Variants in IL1RAPL2 observed in about 807,000 individuals in gnomAD.
IL1RAPL2 encodes the protein X-linked interleukin-1 receptor accessory protein-like 2.
In IL1RAPL2, 3 loss-of-function variants were observed where a neutral mutation model predicts 44.1. The observed-to-expected ratio is 0.07, with a 90% confidence interval of 0.03 to 0.18. IL1RAPL2 has a LOEUF of 0.18. Ranked by LOEUF, IL1RAPL2 falls within the 10% of genes least tolerant of loss-of-function variation. IL1RAPL2 has a pLI of 1.00. For synonymous variants in IL1RAPL2, 181 were observed against 178.8 expected (o/e 1.01, Z -0.10); for missense variants, 391 against 496.4 (o/e 0.79, Z 2.02).
chrX:105,493,693 G>A lies in IL1RAPL2; in HGVS notation c.772+9306G>A, dbSNP rs146539971. ...AAAGTTGTCACTCTTAAACCTTGCC[G>A]TATTCCTACTAATATTAGTAGTATT... On this transcript the variant is annotated intron_variant, in intron 6 of 10. Coordinates refer to ENST00000372582, the MANE Select transcript of IL1RAPL2 (RefSeq NM_017416.2). Among the ~76,000 whole-genome samples the A allele has an allele frequency of 5.7e-3, 631 of 111,076 alleles. 10 individuals are homozygous for A. Among genetic ancestry groups the A allele is most frequent in the African/African-American group, 0.019 (593 of 30,533 alleles).
At chrX:105,298,478 C>T (rs924346290) in intron 5 of IL1RAPL2, among the ~76,000 whole-genome samples, 2 of 110,685 alleles carry the variant, frequency 1.8e-5, no homozygotes, top group African/African-American at 6.6e-5. Flanking sequence ...TATACTAAGA[C>T]GGGGAGAATG....
At chrX:104,907,460 A>C (rs1206112836) in intron 2 of IL1RAPL2, among the ~76,000 whole-genome samples, 5 of 110,113 alleles carry the variant, frequency 4.5e-5, no homozygotes. Flanking sequence ...ATTTCCCTCT[A>C]CACACTGCCT....
At chrX:104,823,368 T>C (rs985690288) in intron 2 of IL1RAPL2, among the ~76,000 whole-genome samples, 6 of 110,994 alleles carry the variant, frequency 5.4e-5, no homozygotes, top group Non-Finnish European at 1.1e-4. Flanking sequence ...TTTGTTCTTG[T>C]GATAGTTTAC....
At chrX:104,916,147 A>T (rs1368820856) in intron 2 of IL1RAPL2, among the ~76,000 whole-genome samples, 1 of 111,403 alleles carries the variant, frequency 9.0e-6, no homozygotes, top group Non-Finnish European at 1.9e-5. Context: ...TGAATCTATA[A>T]ATTACCTTGG....
At chrX:104,832,129 A>G (rs1921627182) in intron 2 of IL1RAPL2, among the ~76,000 whole-genome samples, 1 of 111,944 alleles carries the variant, frequency 8.9e-6, no homozygotes, top group South Asian at 3.7e-4. Context: ...ACTCTTGGAT[A>G]CATACTGCTT....
intron 2 of IL1RAPL2, among the ~76,000 whole-genome samples, chrX:105,183,101 C>A (rs782232823): frequency 1.8e-5 from 2 of 111,327 alleles, no homozygotes; most frequent in Non-Finnish European, 3.8e-5. Context: ...GGGCCTATCT[C>A]TAGGTCCCCC....
chrX:104,935,476 T>C (rs2147699606), intron 2 of IL1RAPL2, among the ~76,000 whole-genome samples: 1 of 111,989 alleles, frequency 8.9e-6, no homozygotes, highest in East Asian at 2.8e-4. Flanking sequence ...TGTGCCAAAG[T>C]TTACAATATT....
At chrX:105,725,616 A>G (rs926884906) in intron 7 of IL1RAPL2, among the ~76,000 whole-genome samples, 5 of 111,481 alleles carry the variant, frequency 4.5e-5, no homozygotes, top group African/African-American at 1.6e-4. Flanking sequence ...TTAAAAAGCA[A>G]TATGGAGCTG....
intron 6 of IL1RAPL2, among the ~76,000 whole-genome samples, chrX:105,529,971 C>T (rs1329168093): frequency 1.8e-5 from 2 of 112,071 alleles, no homozygotes; most frequent in Admixed American, 9.5e-5. Flanking sequence ...GGAATGCTTC[C>T]ATGTTTTAGC....
rs759558866 is a variant in IL1RAPL2, at chrX:105,562,544, CACACAT to C, written c.772+78163_772+78168del. On this transcript the variant is annotated intron_variant, in intron 6 of 10. Coordinates refer to ENST00000372582, the MANE Select transcript of IL1RAPL2 (RefSeq NM_017416.2). The stretch of plus-strand genomic sequence containing the variant: ...ACACACACACACACACACACACACA[CACACAT>C]ACACACACCACATAATATGGAATGT... 7.8e-3 allele frequency among the ~76,000 whole-genome samples: 820 copies of C among 105,424 alleles called. 9 individuals are homozygous for C. The highest frequency in any genetic ancestry group is 0.019 in the African/African-American group (550 of 28,535). 91.5% of individuals were successfully genotyped at this position (105,424 alleles called of 115,157 possible). A position where few individuals can be genotyped will look rare whatever the true frequency, so the allele number is the denominator to read the frequency against.
intron 5 of IL1RAPL2, among the ~76,000 whole-genome samples, chrX:105,313,808 GTAAA>G (rs2034816428): frequency 9.0e-6 from 1 of 111,136 alleles, no homozygotes; most frequent in African/African-American, 3.3e-5. Context: ...CAAAGTTTAG[GTAAA>G]TAAATTTATG....
chrX:105,672,167 A>T (rs771503082), intron 6 of IL1RAPL2, among the ~76,000 whole-genome samples: 6 of 111,279 alleles, frequency 5.4e-5, no homozygotes, highest in Non-Finnish European at 9.4e-5. Flanking sequence ...GGTATCCGTT[A>T]TCTTTGTTCA....
intron 2 of IL1RAPL2, among the ~76,000 whole-genome samples, chrX:105,041,196 A>G (rs1336346542): frequency 3.6e-5 from 4 of 110,912 alleles, no homozygotes; most frequent in Non-Finnish European, 7.5e-5. Flanking sequence ...GTTTTGAGTG[A>G]GTTTCTTAAT....
intron 2 of IL1RAPL2, among the ~76,000 whole-genome samples, chrX:104,867,827 T>C (rs1388840052): frequency 8.9e-6 from 1 of 112,171 alleles, no homozygotes; most frequent in Admixed American, 9.4e-5. Flanking sequence ...TGAGAAATAA[T>C]GAGGGCCTGC....
intron 2 of IL1RAPL2, among the ~76,000 whole-genome samples, chrX:104,694,843 A>G (rs1253101378): frequency 1.8e-5 from 2 of 112,096 alleles, no homozygotes; most frequent in Non-Finnish European, 3.8e-5. Context: ...AATTGTCTCT[A>G]TCAGCAAGGA....
intron 2 of IL1RAPL2, among the ~76,000 whole-genome samples, chrX:104,724,700 T>C (rs1464460648): frequency 3.6e-5 from 4 of 111,502 alleles, no homozygotes; most frequent in Admixed American, 9.6e-5. Flanking sequence ...AGAGCAACTA[T>C]AGACTTCACA....
intron 5 of IL1RAPL2, among the ~76,000 whole-genome samples, chrX:105,305,836 C>A (rs1204938134): frequency 9.0e-6 from 1 of 111,489 alleles, no homozygotes; most frequent in African/African-American, 3.3e-5. Flanking sequence ...GACATCTGCT[C>A]GGGGCAGAGA....
At chrX:105,574,176 C>G (rs1009836139) in intron 6 of IL1RAPL2, among the ~76,000 whole-genome samples, 1 of 111,934 alleles carries the variant, frequency 8.9e-6, no homozygotes, top group Non-Finnish European at 1.9e-5. Flanking sequence ...TGAGTTCACT[C>G]GTGACCTTAG....
chrX:105,456,100 T>C (rs376217451), intron 5 of IL1RAPL2, among the ~76,000 whole-genome samples: 1 of 112,152 alleles, frequency 8.9e-6, no homozygotes, highest in East Asian at 2.8e-4. Flanking sequence ...TGGGATTGCA[T>C]TCCTGATTTG....
Sources: gnomAD v4.1 joint callset for allele counts (sites outside exome capture counted in the v4.1 genomes callset) on GRCh38, gnomAD v4.1.1 for gene constraint, MANE v1.5 for transcripts, NCBI Gene and HGNC (gene_info 2026-07-23, HGNC 2026-07-21) for gene names.